HMCN1: variants seen among roughly 807,000 people sequenced by gnomAD.
The protein encoded by HMCN1 is hemicentin-1.
HMCN1 carries 321 observed loss-of-function variants against 625.9 expected under a neutral mutation model. The observed-to-expected ratio is 0.51, with a 90% CI of 0.47 to 0.56. The LOEUF (loss-of-function observed/expected upper bound fraction) is 0.56. Among genes scored for constraint, HMCN1 ranks in the 20% least tolerant of loss-of-function variants. HMCN1 has a pLI of 0.00. For synonymous variants in HMCN1, 2,425 were observed against 2,417.6 expected (o/e 1.00, Z -0.09); for missense variants, 6,588 against 6,887.3 (o/e 0.96, Z 1.54).
chr1:185,770,235 T>A (rs1656148298), intron 1 of HMCN1, among the ~76,000 whole-genome samples: 2 of 152,188 alleles, frequency 1.3e-5, no homozygotes, highest in Admixed American at 1.3e-4. Flanking sequence ...GCTGTGTTTG[T>A]GATGAATACT....
chr1:185,884,885 A>G (rs1432755635), intron 4 of HMCN1, among the ~76,000 whole-genome samples: 1 of 152,064 alleles, frequency 6.6e-6, no homozygotes, highest in East Asian at 1.9e-4. Flanking sequence ...ATCGTATCAA[A>G]GGATTGAACA....
intron 50 of HMCN1, among the ~76,000 whole-genome samples, chr1:186,068,729 C>T (rs1332048440): frequency 2.0e-5 from 3 of 151,852 alleles, no homozygotes; most frequent in East Asian, 1.9e-4. Context: ...ATTAGCTGGG[C>T]GTGGTGGCAC....
chr1:186,172,441 T>C (rs1652292037), intron 102 of HMCN1, among the ~76,000 whole-genome samples: 1 of 152,224 alleles, frequency 6.6e-6, no homozygotes. Flanking sequence ...AAATTTAGCA[T>C]ATATGTTAAG....
intron 11 of HMCN1, among the ~76,000 whole-genome samples, chr1:185,940,211 T>C (rs1001145845): frequency 1.3e-5 from 2 of 152,216 alleles, no homozygotes; most frequent in African/African-American, 4.8e-5. Flanking sequence ...ACTTAAAGCT[T>C]ATTTAAATAT....
chr1:185,865,985 C>A, intron 4 of HMCN1, 122 bp downstream of exon 4: 2 of 891,618 alleles, frequency 2.2e-6, no homozygotes, highest in Non-Finnish European at 3.6e-6. Flanking sequence ...AACTCCAAGG[C>A]CACAGTTCAA....
chr1:185,938,488 G>A (rs1299615257), intron 11 of HMCN1, among the ~76,000 whole-genome samples: 7 of 152,150 alleles, frequency 4.6e-5, no homozygotes, highest in Admixed American at 4.6e-4. Flanking sequence ...CTAATTTGTG[G>A]AGGAATTATT....
intron 4 of HMCN1, among the ~76,000 whole-genome samples, chr1:185,893,616 T>C (rs1279538382): frequency 1.3e-5 from 2 of 152,310 alleles, no homozygotes; most frequent in East Asian, 3.9e-4. Context: ...TTTTTTTCCA[T>C]CTTACTCCCT....
chr1:185,917,567 A>G (rs540806719), intron 6 of HMCN1, among the ~76,000 whole-genome samples: 2 of 152,334 alleles, frequency 1.3e-5, no homozygotes, highest in East Asian at 3.9e-4. Context: ...GTATAGCATT[A>G]GCTGGTCTGA....
chr1:185,796,634 G>C (rs867452251), intron 1 of HMCN1, among the ~76,000 whole-genome samples: 4,710 of 152,040 alleles, frequency 0.031, 228 homozygotes, highest in African/African-American at 0.1. Context: ...GTCTGTGTGT[G>C]TGTGTGTGTG....
At chr1:186,108,691 T>G in intron 71 of HMCN1, 94 bp downstream of exon 71, 1 of 1,352,764 alleles carries the variant, frequency 7.4e-7, no homozygotes, top group Non-Finnish European at 1.0e-6. Flanking sequence ...CAAAACCAAC[T>G]AACATCAGGC....
At chr1:185,912,763 T>C (rs1381815053) in intron 6 of HMCN1, among the ~76,000 whole-genome samples, 1 of 152,142 alleles carries the variant, frequency 6.6e-6, no homozygotes, top group African/African-American at 2.4e-5. Flanking sequence ...TTTGTGGGCC[T>C]CTTCCCATTC....
chr1:186,144,202 T>G lies in HMCN1; in HGVS notation c.13954T>G (p.Trp4652Gly). ...VHGAWSAWQP[W>G]GTCSESCGKG... Reference sequence around the variant, plus strand: ...TGGAGCATGGAGCGCTTGGCAGCCTTGGGGAACATGCAGCGAAAGTTGTGG... The same window carrying G: ...TGGAGCATGGAGCGCTTGGCAGCCTGGGGGAACATGCAGCGAAAGTTGTGG... Residue 4652 changes from tryptophan to glycine, a missense_variant, in exon 90 of 107, where the codon TGG (tryptophan) becomes GGG (glycine). Trp to Gly is a radical substitution (Grantham distance 184). Coordinates refer to ENST00000271588, the MANE Select transcript of HMCN1 (RefSeq NM_031935.3). The G allele has an allele frequency of 6.2e-7, 1 of 1,610,210 alleles. No individual in the cohort carries two copies. Among genetic ancestry groups the G allele is most frequent in the Non-Finnish European group, 8.5e-7 (1 of 1,177,966 alleles).
At chr1:186,030,733 T>A (rs750454959) in intron 36 of HMCN1, among the ~76,000 whole-genome samples, 8 of 151,942 alleles carry the variant, frequency 5.3e-5, no homozygotes, top group Non-Finnish European at 7.4e-5. Context: ...TATATTTTAA[T>A]ATTTATTATG....
intron 30 of HMCN1, among the ~76,000 whole-genome samples, chr1:186,014,516 G>A (rs747222910): frequency 6.6e-6 from 1 of 151,932 alleles, no homozygotes; most frequent in Non-Finnish European, 1.5e-5. Context: ...AGAATTTGCA[G>A]GAGAGACTGA....
At position 186,137,986 on chromosome 1, in the gene HMCN1, A is replaced by C; in HGVS notation, c.13924+14A>C. Reference sequence around the variant, plus strand: ...GGCCTTGCCCAGGTGAGAAACCACCAATAATGCTAAGATAAACAAAACTTT... The same window carrying C: ...GGCCTTGCCCAGGTGAGAAACCACCCATAATGCTAAGATAAACAAAACTTT... On this transcript the variant is annotated intron_variant, in intron 89 of 106. Transcript: ENST00000271588. 1 of 1,613,834 alleles carries C rather than the reference A, an allele frequency of 6.2e-7. No individual in the cohort carries two copies. Among genetic ancestry groups the C allele is most frequent in the Non-Finnish European group, 8.5e-7 (1 of 1,179,880 alleles).
rs751925808 is a variant in HMCN1, at chr1:186,070,593, T to C, written c.7994-19T>C. 17 of 1,601,932 alleles carry C rather than the reference T, an allele frequency of 1.1e-5. No homozygotes were observed. Among genetic ancestry groups the C allele is most frequent in the Non-Finnish European group, 1.5e-5 (17 of 1,169,240 alleles). On this transcript the variant is annotated intron_variant, in intron 51 of 106. Transcript: ENST00000271588. ...TGAAAATAACCAATGTCTAACTCTT[T>C]AATATTTATTTTATGCAGTTCCACC... is the stretch of plus-strand genomic sequence containing the variant.
At chr1:186,068,473 G>A (rs1177655980) in intron 50 of HMCN1, among the ~76,000 whole-genome samples, 2 of 152,104 alleles carry the variant, frequency 1.3e-5, no homozygotes, top group African/African-American at 4.8e-5. Flanking sequence ...TTGAGAAGAG[G>A]TAATATGTGC....
At chr1:185,869,593 T>C (rs984211084) in intron 4 of HMCN1, among the ~76,000 whole-genome samples, 5 of 151,996 alleles carry the variant, frequency 3.3e-5, no homozygotes, top group African/African-American at 1.2e-4. Flanking sequence ...GAAAAAAAAA[T>C]ATTGTGAAGC....
At chr1:185,751,067 C>T (rs1654780510) in intron 1 of HMCN1, among the ~76,000 whole-genome samples, 1 of 152,068 alleles carries the variant, frequency 6.6e-6, no homozygotes, top group Non-Finnish European at 1.5e-5. Context: ...TTTACATAGT[C>T]AGTGTTTCCT....
Sources: gnomAD v4.1 joint callset for allele counts (sites outside exome capture counted in the v4.1 genomes callset) on GRCh38, gnomAD v4.1.1 for gene constraint, MANE v1.5 for transcripts, NCBI Gene and HGNC (gene_info 2026-07-23, HGNC 2026-07-21) for gene names.